C12orf42: variants seen among roughly 807,000 people sequenced by gnomAD.
C12orf42 encodes the protein uncharacterized protein C12orf42.
In C12orf42, 25 loss-of-function variants were observed where a neutral mutation model predicts 21.6. The observed-to-expected ratio is 1.16, with a 90% CI of 0.84 to 1.62. C12orf42 has a LOEUF of 1.62. Among genes scored for constraint, C12orf42 ranks in the 40% most tolerant of loss-of-function variants. The probability of loss-of-function intolerance (pLI) is 0.00; values close to 1 mark genes in which losing one functional copy is unlikely to be tolerated. For synonymous variants in C12orf42, 174 were observed against 175.0 expected (o/e 0.99, Z 0.05); for missense variants, 483 against 459.3 (o/e 1.05, Z -0.47).
chr12:103,319,285 G>T (rs924733176), intron 4 of C12orf42, among the ~76,000 whole-genome samples: 3 of 152,300 alleles, frequency 2.0e-5, no homozygotes, highest in Non-Finnish European at 4.4e-5. Context: ...CAGGAATGAT[G>T]ATCTTTCTTA....
chr12:103,176,104 C>A, the C12orf42 span, among the ~76,000 whole-genome samples: 3 of 152,114 alleles, frequency 2.0e-5, no homozygotes, highest in Non-Finnish European at 2.9e-5. Flanking sequence ...CCCACCTCCC[C>A]CCAGTTCAAT....
At chr12:103,541,029 G>C in the C12orf42 span, among the ~76,000 whole-genome samples, 1 of 151,892 alleles carries the variant, frequency 6.6e-6, no homozygotes, top group Non-Finnish European at 1.5e-5. Flanking sequence ...TCAGCCTCCC[G>C]AGTAGCTGGG....
chr12:103,492,835 C>T (rs1327718608), intron 1 of C12orf42, among the ~76,000 whole-genome samples: 2 of 152,216 alleles, frequency 1.3e-5, no homozygotes, highest in Non-Finnish European at 2.9e-5. Context: ...TCCACACCCC[C>T]ATCTTGATTC....
At chr12:103,425,535 C>T (rs1457457849) in intron 2 of C12orf42, among the ~76,000 whole-genome samples, 1 of 152,198 alleles carries the variant, frequency 6.6e-6, no homozygotes, top group Non-Finnish European at 1.5e-5. Flanking sequence ...TGGTGATACT[C>T]AGGCAAACAG....
At chr12:103,255,586 C>CT (rs2136206843) in intron 10 of C12orf42, among the ~76,000 whole-genome samples, 1 of 152,062 alleles carries the variant, frequency 6.6e-6, no homozygotes, top group African/African-American at 2.4e-5. Flanking sequence ...TTTAATAATA[C>CT]TATTTCTTTT....
At chr12:103,195,565 T>C in the C12orf42 span, among the ~76,000 whole-genome samples, 9 of 152,202 alleles carry the variant, frequency 5.9e-5, no homozygotes, top group Non-Finnish European at 1.0e-4. Flanking sequence ...CATGTTTTCA[T>C]ATGCTTGTTG....
the C12orf42 span, among the ~76,000 whole-genome samples, chr12:103,130,022 T>C: frequency 6.6e-6 from 1 of 152,100 alleles, no homozygotes; most frequent in Non-Finnish European, 1.5e-5. Context: ...CCCTCTCCCA[T>C]GGAAAAATTG....
chr12:103,287,324 A>G (rs1467686799), intron 4 of C12orf42, among the ~76,000 whole-genome samples: 1 of 152,222 alleles, frequency 6.6e-6, no homozygotes, highest in African/African-American at 2.4e-5. Context: ...ACAATGATAG[A>G]CTGGATTAAG....
intron 3 of C12orf42, among the ~76,000 whole-genome samples, chr12:103,370,316 G>A (rs1268229706): frequency 1.3e-5 from 2 of 152,118 alleles, no homozygotes; most frequent in Non-Finnish European, 2.9e-5. Flanking sequence ...AAGCAGTATG[G>A]CACTTTCTCA....
the C12orf42 span, among the ~76,000 whole-genome samples, chr12:103,548,290 C>T: frequency 5.3e-5 from 8 of 152,134 alleles, no homozygotes; most frequent in Non-Finnish European, 8.8e-5. Context: ...AAAGAAAATG[C>T]GGACTGAAGA....
the C12orf42 span, among the ~76,000 whole-genome samples, chr12:103,083,149 G>A: frequency 3.3e-5 from 5 of 152,190 alleles, no homozygotes; most frequent in African/African-American, 9.7e-5. Context: ...TGGATCATCT[G>A]TGGTCAGGAG....
intron 1 of C12orf42, among the ~76,000 whole-genome samples, chr12:103,478,794 C>T (rs1238040934): frequency 7.9e-5 from 12 of 151,944 alleles, no homozygotes; most frequent in Admixed American, 7.9e-4. Context: ...GTGGGGGTTG[C>T]ACTGTAATGA....
At chr12:103,246,994 T>C (rs1324167224) in intron 10 of C12orf42, among the ~76,000 whole-genome samples, 1 of 149,694 alleles carries the variant, frequency 6.7e-6, no homozygotes, top group Non-Finnish European at 1.5e-5. Flanking sequence ...TTTTATTTTC[T>C]TTATTTGCAA....
chr12:103,083,287 C>A, the C12orf42 span, among the ~76,000 whole-genome samples: 1 of 152,194 alleles, frequency 6.6e-6, no homozygotes, highest in South Asian at 2.1e-4. Flanking sequence ...TAGCTTGAAC[C>A]CGGGAGGCAG....
the C12orf42 span, among the ~76,000 whole-genome samples, chr12:103,052,411 T>G: frequency 6.6e-6 from 1 of 152,144 alleles, no homozygotes; most frequent in Non-Finnish European, 1.5e-5. Context: ...TAGTTTGCAT[T>G]TCTCTGATAA....
At chr12:103,294,439 A>T (rs1365317169) in intron 4 of C12orf42, among the ~76,000 whole-genome samples, 1 of 121,960 alleles carries the variant, frequency 8.2e-6, no homozygotes, top group African/African-American at 3.8e-5. Flanking sequence ...AGAAAGAAAG[A>T]AAGAAAGAAA....
At chr12:103,299,101 C>T (rs2037489623), downstream of C12orf42, among the ~76,000 whole-genome samples, 1 of 152,140 alleles carries the variant, frequency 6.6e-6, no homozygotes, top group South Asian at 2.1e-4. Context: ...CAAATATATT[C>T]ATATATGCAT....
rs879334583 is a variant in C12orf42, at chr12:103,277,336, C to CA, written n.338-127dup. 21 of 253,172 alleles carry CA rather than the reference C, an allele frequency of 8.3e-5. No individual in the cohort carries two copies. The Middle Eastern group carries it at 4.0e-3, about 48-fold the overall frequency. 15.7% of individuals were successfully genotyped at this position (253,172 alleles called of 1,614,324 possible). On this transcript the variant is annotated intron_variant and non_coding_transcript_variant, in intron 4 of 6. Coordinates refer to the C12orf42 transcript ENST00000546526. ...TTTAATGAAAAGTAACTATATTTTCCAAAAAAATTAAACAGAAGGATGGCA... is the reference window on the plus strand; with the variant it reads ...TTTAATGAAAAGTAACTATATTTTCCAAAAAAAATTAAACAGAAGGATGGCA...
chr12:103,147,500 T>C, the C12orf42 span, among the ~76,000 whole-genome samples: 2 of 117,790 alleles, frequency 1.7e-5, no homozygotes, highest in Admixed American at 8.6e-5. Flanking sequence ...TTTCTTTTTT[T>C]TTCTTTTTTT....
Sources: allele counts gnomAD v4.1 joint callset (sites outside exome capture counted in the v4.1 genomes callset), GRCh38; gene constraint gnomAD v4.1.1; transcripts MANE v1.5; gene names NCBI Gene and HGNC (gene_info 2026-07-23, HGNC 2026-07-21).